The following C6 variants were observed in gnomAD, a reference collection of about 807,000 sequenced individuals.
The protein encoded by C6 is complement component C6.
Under a neutral mutation model 112.9 loss-of-function variants are expected in C6, and 101 were observed. The ratio of observed to expected loss-of-function variants is 0.89; its 90% confidence interval spans 0.76 to 1.06. C6 has a LOEUF of 1.06. Ranked by LOEUF, C6 falls within the 50% of genes least tolerant of loss-of-function variation. The pLI is 0.00. For missense variants in C6, 1,202 were observed against 1,104.6 expected (o/e 1.09, Z -1.25); for synonymous variants, 431 against 384.1 (o/e 1.12, Z -1.43).
intron 1 of C6, among the ~76,000 whole-genome samples, chr5:41,257,791 C>T (rs1218757509): frequency 6.6e-6 from 1 of 152,072 alleles, no homozygotes; most frequent in Non-Finnish European, 1.5e-5. Flanking sequence ...CCCCCTCATG[C>T]TGAATTAGGA....
chr5:41,194,411 T>A (rs769802134), intron 5 of C6, among the ~76,000 whole-genome samples: 1 of 152,172 alleles, frequency 6.6e-6, no homozygotes, highest in Admixed American at 6.5e-5. Flanking sequence ...GCTGAGTTAT[T>A]TAGAACTCAG....
intron 17 of C6, among the ~76,000 whole-genome samples, chr5:41,144,374 C>G (rs1745618655): frequency 6.6e-6 from 1 of 151,884 alleles, no homozygotes; most frequent in Non-Finnish European, 1.5e-5. Context: ...TTCAAGAGAT[C>G]CTCCCACCTT....
chr5:41,232,541 C>A lies in C6; in HGVS notation c.-21+28653G>T, dbSNP rs1480417816. On this transcript the variant is annotated intron_variant, in intron 1 of 17. Transcript: ENST00000263413. ...GAAGCTTGTTAGTACTAATAAGTAT[C>A]CTGTCAGTCAGAATCAGAAGTCATA... Among the ~76,000 whole-genome samples the A allele has an allele frequency of 3.3e-5, 5 of 152,036 alleles. No homozygotes were observed. In the East Asian group the frequency reaches 9.6e-4, roughly 29 times the overall value.
intron 1 of C6, among the ~76,000 whole-genome samples, chr5:41,228,647 A>G (rs138409709): frequency 0.011 from 1,657 of 152,224 alleles, 34 homozygotes; most frequent in African/African-American, 0.037. Flanking sequence ...TAATTCATTG[A>G]CACTTTTTTA....
intron 5 of C6, among the ~76,000 whole-genome samples, chr5:41,188,434 A>C (rs1197025390): frequency 6.6e-6 from 1 of 151,972 alleles, no homozygotes; most frequent in Non-Finnish European, 1.5e-5. Flanking sequence ...AGACATATAG[A>C]TCAATGGAAC....
chr5:41,232,284 C>T (rs1739954425), intron 1 of C6, among the ~76,000 whole-genome samples: 1 of 152,080 alleles, frequency 6.6e-6, no homozygotes, highest in South Asian at 2.1e-4. Context: ...CCCTTACTCA[C>T]TTCTGTTTCC....
chr5:41,212,167 T>C (rs889715957), intron 1 of C6, among the ~76,000 whole-genome samples: 1 of 152,186 alleles, frequency 6.6e-6, no homozygotes, highest in Non-Finnish European at 1.5e-5. Flanking sequence ...TATTTTTATT[T>C]ATTTATTTTT....
At chr5:41,222,034 C>T (rs953335475) in intron 1 of C6, among the ~76,000 whole-genome samples, 19 of 151,532 alleles carry the variant, frequency 1.3e-4, no homozygotes, top group African/African-American at 2.7e-4. Flanking sequence ...GGCATGGTGG[C>T]GGGCACCTGT....
At chr5:41,155,345 A>G (rs141110398) in intron 13 of C6, among the ~76,000 whole-genome samples, 289 of 152,122 alleles carry the variant, frequency 1.9e-3, no homozygotes, top group Middle Eastern at 0.017. Flanking sequence ...CTTCTAATCC[A>G]TCTCCCTAAA....
intron 7 of C6, among the ~76,000 whole-genome samples, chr5:41,180,797 G>A (rs149797992): frequency 2.9e-4 from 43 of 148,070 alleles, no homozygotes; most frequent in African/African-American, 9.9e-4. Context: ...AAAAGATTTA[G>A]AGAATATACC....
intron 1 of C6, chr5:41,261,156 C>A: frequency 1.0e-6 from 1 of 980,798 alleles, no homozygotes; most frequent in Non-Finnish European, 1.2e-6. Flanking sequence ...TGCATGCCCA[C>A]CAATTAAAAA....
intron 1 of C6, among the ~76,000 whole-genome samples, chr5:41,247,494 G>A (rs1264784733): frequency 1.3e-5 from 2 of 151,920 alleles, no homozygotes; most frequent in Non-Finnish European, 2.9e-5. Flanking sequence ...AATTTGGGTG[G>A]ATCATGAGGT....
At chr5:41,208,436 GTT>G (rs1249863037) in intron 1 of C6, among the ~76,000 whole-genome samples, 1 of 152,070 alleles carries the variant, frequency 6.6e-6, no homozygotes, top group African/African-American at 2.4e-5. Flanking sequence ...CCAGGAGCTG[GTT>G]TTTTGAAAAG....
At chr5:41,248,171 TC>T (rs143308652) in intron 1 of C6, among the ~76,000 whole-genome samples, 26,302 of 152,112 alleles carry the variant, frequency 0.17, 2,342 homozygotes, top group Admixed American at 0.26. Context: ...AAAAATTAAC[TC>T]AAGTTAGCTT....
In C6 at chr5:41,154,061, A is replaced by T. The variant is rs187944973; in HGVS notation, c.2102-63T>A. On this transcript the variant is annotated intron_variant, in intron 14 of 17. Coordinates refer to ENST00000337836, the MANE Select transcript of C6 (RefSeq NM_000065.5). ...CAGAATAAACAAAAAATTTAGGCAAATTTTGTGCAACCAAAGAGGTGATTT... is the reference window on the plus strand; with the variant it reads ...CAGAATAAACAAAAAATTTAGGCAATTTTTGTGCAACCAAAGAGGTGATTT... The T allele has an allele frequency of 9.9e-4, 1,426 of 1,446,894 alleles. 13 individuals carry two copies. Among genetic ancestry groups the T allele is most frequent in the Middle Eastern group, 4.7e-3 (25 of 5,282 alleles). The allele number at this position is 1,446,894 out of a possible 1,614,324, so 89.6% of individuals were successfully genotyped here. A position where few individuals can be genotyped will look rare whatever the true frequency, so the allele number is the denominator to read the frequency against.
intron 6 of C6, among the ~76,000 whole-genome samples, chr5:41,181,878 G>A (rs1028634790): frequency 3.9e-5 from 6 of 152,112 alleles, no homozygotes; most frequent in Admixed American, 3.3e-4. Context: ...GACTTAACAG[G>A]GTGATAAACA....
At chr5:41,180,144 T>C (rs1228737543) in intron 7 of C6, among the ~76,000 whole-genome samples, 4 of 152,176 alleles carry the variant, frequency 2.6e-5, no homozygotes, top group Non-Finnish European at 1.5e-5. Flanking sequence ...AGGTCTTATA[T>C]TTGTATAAGT....
intron 12 of C6, 142 bp from the exon 13 acceptor site, chr5:41,158,927 G>A (rs888416185): frequency 2.6e-5 from 29 of 1,096,420 alleles, no homozygotes; most frequent in South Asian, 1.0e-4. Context: ...AAAAAGGCAC[G>A]GCAGTAGACC....
chr5:41,145,643 G>A (rs549587689), intron 17 of C6, among the ~76,000 whole-genome samples: 52 of 152,306 alleles, frequency 3.4e-4, no homozygotes, highest in African/African-American at 1.2e-3. Flanking sequence ...CCACATGCCT[G>A]GGCATCTTGC....
Sources: allele counts gnomAD v4.1 joint callset (sites outside exome capture counted in the v4.1 genomes callset), GRCh38; gene constraint gnomAD v4.1.1; transcripts MANE v1.5; gene names NCBI Gene and HGNC (gene_info 2026-07-23, HGNC 2026-07-21).